The following GABPB1 variants were observed in gnomAD, a reference collection of about 807,000 sequenced individuals.
GABPB1 encodes GA-binding protein subunit beta-1.
GABPB1 carries 15 observed loss-of-function variants against 45.9 expected under a neutral mutation model. The observed-to-expected ratio is 0.33, with a 90% confidence interval of 0.22 to 0.50. The LOEUF (loss-of-function observed/expected upper bound fraction) is 0.50. Ranked by LOEUF, GABPB1 falls within the 20% of genes least tolerant of loss-of-function variation. The probability of loss-of-function intolerance (pLI) is 0.98; values close to 1 mark genes in which losing one functional copy is unlikely to be tolerated. For synonymous variants in GABPB1, 143 were observed against 154.4 expected, an observed-to-expected ratio of 0.93 and a Z score of 0.55; for missense variants, 252 against 457.5, an observed-to-expected ratio of 0.55 and a Z score of 4.10.
chr15:50,338,186 C>T (rs1466514112), intron 1 of GABPB1, among the ~76,000 whole-genome samples: 1 of 150,386 alleles, frequency 6.6e-6, no homozygotes, highest in African/African-American at 2.4e-5. Flanking sequence ...ATTACAGGCA[C>T]GTGCCACCAC....
At chr15:50,320,329 G>A (rs531351122) in intron 1 of GABPB1, among the ~76,000 whole-genome samples, 9 of 152,112 alleles carry the variant, frequency 5.9e-5, no homozygotes, top group East Asian at 1.9e-4. Context: ...CACCAGGCCC[G>A]GCTAATTTTT....
At chr15:50,288,948 C>T (rs2046255413) in intron 7 of GABPB1, among the ~76,000 whole-genome samples, 1 of 152,058 alleles carries the variant, frequency 6.6e-6, no homozygotes, top group Admixed American at 6.6e-5. Flanking sequence ...ACTCCAGGCT[C>T]CCAAGTAGCT....
intron 1 of GABPB1, among the ~76,000 whole-genome samples, chr15:50,326,149 C>T (rs2047754581): frequency 6.6e-6 from 1 of 150,940 alleles, no homozygotes; most frequent in Non-Finnish European, 1.5e-5. Flanking sequence ...TCAGGTGATC[C>T]ACCCACCTCG....
intron 1 of GABPB1, among the ~76,000 whole-genome samples, chr15:50,344,268 T>A (rs2048484322): frequency 6.6e-6 from 1 of 152,232 alleles, no homozygotes; most frequent in Admixed American, 6.5e-5. Context: ...GAATTTGGAC[T>A]TTATCTTGTA....
chr15:50,293,136 C>G (rs2046406627), intron 6 of GABPB1, among the ~76,000 whole-genome samples: 2 of 45,278 alleles, frequency 4.4e-5, no homozygotes, highest in Admixed American at 6.4e-4. Context: ...AATAAAACCA[C>G]TCTCTACTAA....
intron 6 of GABPB1, among the ~76,000 whole-genome samples, chr15:50,300,261 T>TA (rs1373223967): frequency 3.9e-5 from 6 of 152,118 alleles, no homozygotes; most frequent in Admixed American, 3.9e-4. Context: ...AGCTTCCTAT[T>TA]AAAAAACAGA....
intron 8 of GABPB1, among the ~76,000 whole-genome samples, chr15:50,280,287 C>T (rs970847536): frequency 6.6e-5 from 10 of 152,184 alleles, no homozygotes; most frequent in African/African-American, 2.2e-4. Context: ...TCAGAAAAGA[C>T]AACCTAGGAT....
chr15:50,317,908 CA>C (rs11300579), intron 1 of GABPB1, among the ~76,000 whole-genome samples: 76,655 of 132,438 alleles, frequency 0.58, 20,495 homozygotes, highest in Middle Eastern at 0.7. Flanking sequence ...GACTCCGTAT[CA>C]AAAAAAAAAA....
At chr15:50,322,292 AC>A (rs2047599248) in intron 1 of GABPB1, among the ~76,000 whole-genome samples, 1 of 152,008 alleles carries the variant, frequency 6.6e-6, no homozygotes, top group South Asian at 2.1e-4. Flanking sequence ...AGTGACTCAT[AC>A]CTGTAATCCC....
chr15:50,314,689 T>C (rs1440787596), intron 1 of GABPB1: 4 of 151,482 alleles, frequency 2.6e-5, no homozygotes, highest in Non-Finnish European at 5.9e-5. Context: ...CAAAGAATTG[T>C]CACATGTTCT....
At chr15:50,337,783 A>C (rs926458585) in intron 1 of GABPB1, among the ~76,000 whole-genome samples, 8 of 152,164 alleles carry the variant, frequency 5.3e-5, no homozygotes, top group African/African-American at 1.7e-4. Flanking sequence ...AAAAGAAAAA[A>C]AAAGAATTAC....
intron 6 of GABPB1, among the ~76,000 whole-genome samples, chr15:50,293,268 T>C (rs943870250): frequency 1.3e-5 from 2 of 152,140 alleles, no homozygotes; most frequent in Non-Finnish European, 2.9e-5. Flanking sequence ...GCCATAAATA[T>C]AGGAACTGCT....
At chr15:50,329,118 T>C (rs2047868494) in intron 1 of GABPB1, among the ~76,000 whole-genome samples, 1 of 152,212 alleles carries the variant, frequency 6.6e-6, no homozygotes, top group African/African-American at 2.4e-5. Flanking sequence ...AGGTTACGCA[T>C]GTCCCCTGCT....
chr15:50,309,706 G>T lies in GABPB1; in HGVS notation c.93C>A (p.Pro31=), dbSNP rs755707287. The change falls in exon 2 of 9, where the codon CCC becomes CCA. Residue 31 remains proline, a synonymous_variant. Transcript: ENST00000380877. The part of the protein sequence containing the change: ...EVRILMANGA[P]FTTDWLGTSP... Reference sequence around the variant, plus strand: ...CATTCTTTACCCAGTCTGTAGTAAAGGGAGCTCCATTTGCCATCAAAATAC... The same window carrying T: ...CATTCTTTACCCAGTCTGTAGTAAATGGAGCTCCATTTGCCATCAAAATAC... 5.0e-6 allele frequency: 8 copies of T among 1,589,378 alleles called. No homozygotes were observed. In the South Asian group the frequency reaches 7.7e-5, roughly 15 times the overall value.
intron 1 of GABPB1, among the ~76,000 whole-genome samples, chr15:50,323,306 T>G (rs1258683389): frequency 6.6e-6 from 1 of 152,136 alleles, no homozygotes; most frequent in East Asian, 1.9e-4. Flanking sequence ...CTGCAGTAGT[T>G]CCTGCTAGCC....
chr15:50,321,473 T>C (rs1196247092), intron 1 of GABPB1, among the ~76,000 whole-genome samples: 1 of 152,076 alleles, frequency 6.6e-6, no homozygotes, highest in African/African-American at 2.4e-5. Context: ...TCCCACCACA[T>C]AAGGAGAGAA....
chr15:50,332,413 T>A (rs2047978423), intron 1 of GABPB1, among the ~76,000 whole-genome samples: 1 of 152,178 alleles, frequency 6.6e-6, no homozygotes, highest in Admixed American at 6.5e-5. Flanking sequence ...AAATGCAATA[T>A]GTAGACCCTG....
chr15:50,349,332 C>T (rs1337366582), intron 1 of GABPB1: 1 of 152,126 alleles, frequency 6.6e-6, no homozygotes, highest in East Asian at 1.9e-4. Flanking sequence ...GGACTGTGAT[C>T]CTATAATTGC....
intron 1 of GABPB1, among the ~76,000 whole-genome samples, chr15:50,343,234 C>A (rs184868162): frequency 2.3e-4 from 35 of 152,122 alleles, no homozygotes; most frequent in African/African-American, 8.4e-4. Flanking sequence ...GTCTCCCCAT[C>A]ATCTCTTCTC....
Sources: gnomAD v4.1 joint callset for allele counts (sites outside exome capture counted in the v4.1 genomes callset) on GRCh38, gnomAD v4.1.1 for gene constraint, MANE v1.5 for transcripts, NCBI Gene and HGNC (gene_info 2026-07-23, HGNC 2026-07-21) for gene names.